RANBP17: variants seen among roughly 807,000 people sequenced by gnomAD.
RANBP17 encodes ran-binding protein 17.
In RANBP17, 158 loss-of-function variants were observed where a neutral mutation model predicts 141.2. That is an observed-to-expected ratio of 1.12 (90% CI 0.98 to 1.28). The LOEUF (loss-of-function observed/expected upper bound fraction) is 1.28. Ranked by LOEUF, RANBP17 falls within the 50% of genes most tolerant of loss-of-function variation. RANBP17 has a pLI of 0.00. For synonymous variants in RANBP17, 430 were observed against 450.0 expected, an observed-to-expected ratio of 0.96 and a Z score of 0.56; for missense variants, 1,438 against 1,290.7, an observed-to-expected ratio of 1.11 and a Z score of -1.75.
intron 25 of RANBP17, among the ~76,000 whole-genome samples, chr5:171,270,097 G>A (rs1766997848): frequency 6.6e-6 from 1 of 152,128 alleles, no homozygotes; most frequent in Admixed American, 6.5e-5. Flanking sequence ...CCCACATAAA[G>A]GTTTTCCAAC....
intron 14 of RANBP17, among the ~76,000 whole-genome samples, chr5:171,063,206 A>G (rs1276400881): frequency 6.6e-6 from 1 of 152,176 alleles, no homozygotes; most frequent in East Asian, 1.9e-4. Flanking sequence ...CTGGTGAGGA[A>G]CTGCTTTCCT....
intron 14 of RANBP17, among the ~76,000 whole-genome samples, chr5:171,096,134 T>G (rs1325789275): frequency 6.6e-6 from 1 of 152,058 alleles, no homozygotes; most frequent in African/African-American, 2.4e-5. Flanking sequence ...GCACATTTGA[T>G]GTAACTTTTA....
At chr5:171,084,056 A>C (rs1785448154) in intron 14 of RANBP17, among the ~76,000 whole-genome samples, 1 of 147,378 alleles carries the variant, frequency 6.8e-6, no homozygotes, top group African/African-American at 2.5e-5. Flanking sequence ...GGTGCGCTGC[A>C]CCCACTAACT....
At chr5:171,102,518 T>C (rs1281129749) in intron 14 of RANBP17, among the ~76,000 whole-genome samples, 2 of 152,156 alleles carry the variant, frequency 1.3e-5, no homozygotes, top group Non-Finnish European at 2.9e-5. Flanking sequence ...AGTTCTTAGC[T>C]TCCTTGCATT....
chr5:170,960,339 G>T (rs981939181), intron 13 of RANBP17, among the ~76,000 whole-genome samples: 1 of 152,116 alleles, frequency 6.6e-6, no homozygotes, highest in African/African-American at 2.4e-5. Context: ...CTTGTCTTCT[G>T]ACTTCTAAAC....
At chr5:170,940,606 A>G (rs1416897388) in intron 12 of RANBP17, among the ~76,000 whole-genome samples, 4 of 152,148 alleles carry the variant, frequency 2.6e-5, no homozygotes, top group African/African-American at 9.7e-5. Context: ...ATCAAGCAAA[A>G]ATTGATAGTC....
intron 14 of RANBP17, among the ~76,000 whole-genome samples, chr5:171,009,866 G>A (rs1779910492): frequency 6.6e-6 from 1 of 152,126 alleles, no homozygotes; most frequent in Admixed American, 6.6e-5. Flanking sequence ...AAAGTAGGTA[G>A]GAATTGGAGG....
intron 14 of RANBP17, among the ~76,000 whole-genome samples, chr5:170,978,104 GT>G (rs932325897): frequency 6.6e-6 from 1 of 152,008 alleles, no homozygotes; most frequent in African/African-American, 2.4e-5. Context: ...ATATAAAAAG[GT>G]GTTCAGTATT....
chr5:170,885,087 G>T (rs1011815094), intron 3 of RANBP17, among the ~76,000 whole-genome samples: 4 of 151,908 alleles, frequency 2.6e-5, no homozygotes, highest in Non-Finnish European at 4.4e-5. Flanking sequence ...ATCCTTAAAG[G>T]CTTTTTAGTA....
chr5:171,007,064 T>A (rs1036861952), intron 14 of RANBP17, among the ~76,000 whole-genome samples: 1 of 152,072 alleles, frequency 6.6e-6, no homozygotes, highest in Admixed American at 6.6e-5. Context: ...AGTGTGAGAT[T>A]GGGCTAGAGA....
intron 1 of RANBP17, among the ~76,000 whole-genome samples, chr5:170,864,201 G>A (rs1361402897): frequency 6.6e-6 from 1 of 152,118 alleles, no homozygotes; most frequent in Non-Finnish European, 1.5e-5. Flanking sequence ...CATAAGTTCC[G>A]TGTTCCCCAT....
intron 14 of RANBP17, among the ~76,000 whole-genome samples, chr5:171,097,434 C>G (rs1240303837): frequency 1.3e-5 from 2 of 151,908 alleles, no homozygotes; most frequent in Non-Finnish European, 2.9e-5. Context: ...TGTAATCTCT[C>G]TAATTAACTG....
intron 25 of RANBP17, among the ~76,000 whole-genome samples, chr5:171,289,486 C>G (rs1581190531): frequency 6.6e-6 from 1 of 152,250 alleles, no homozygotes; most frequent in East Asian, 1.9e-4. Context: ...TGGCTCACTC[C>G]CAGCACTTCG....
intron 21 of RANBP17, among the ~76,000 whole-genome samples, chr5:171,217,323 T>C (rs1416873355): frequency 6.6e-6 from 1 of 152,204 alleles, no homozygotes; most frequent in Non-Finnish European, 1.5e-5. Flanking sequence ...AGTATTTTAT[T>C]GAGGATTTTC....
At chr5:170,892,354 G>A in intron 3 of RANBP17, 33 bp from the exon 4 acceptor site, 1 of 1,148,648 alleles carries the variant, frequency 8.7e-7, no homozygotes, top group Non-Finnish European at 1.1e-6. Flanking sequence ...TTTCTGAAAA[G>A]TCCAGATGAC....
chr5:171,122,443 A>G (rs1169441427), intron 14 of RANBP17, among the ~76,000 whole-genome samples: 1 of 152,236 alleles, frequency 6.6e-6, no homozygotes, highest in Non-Finnish European at 1.5e-5. Context: ...ATAAGAGACC[A>G]AAATAGTAAA....
rs534737541 is a variant in RANBP17, at chr5:171,044,715, T to C, written c.1710+76338T>C. On this transcript the variant is annotated intron_variant, in intron 14 of 27. Transcript: ENST00000523189. ...AATGATGGATTAATTGACTGATGGC[T>C]AAAGTTTCCCTCAAATATAATGGTT... 3.3e-5 allele frequency among the ~76,000 whole-genome samples: 5 copies of C among 152,250 alleles called. No homozygotes were observed. In the South Asian group the frequency reaches 1.0e-3, roughly 32 times the overall value.
intron 21 of RANBP17, among the ~76,000 whole-genome samples, chr5:171,219,051 G>A (rs148526540): frequency 3.9e-5 from 6 of 152,240 alleles, no homozygotes; most frequent in African/African-American, 1.4e-4. Flanking sequence ...TCCATATTTA[G>A]CACTTACTTT....
At chr5:170,985,609 A>G (rs910102739) in intron 14 of RANBP17, among the ~76,000 whole-genome samples, 14 of 152,154 alleles carry the variant, frequency 9.2e-5, no homozygotes, top group Admixed American at 7.2e-4. Context: ...GTTCATCACC[A>G]TCTAGGTATA....
Sources: gnomAD v4.1 joint callset for allele counts (sites outside exome capture counted in the v4.1 genomes callset) on GRCh38, gnomAD v4.1.1 for gene constraint, MANE v1.5 for transcripts, NCBI Gene and HGNC (gene_info 2026-07-23, HGNC 2026-07-21) for gene names.